Variants in SRCAP observed in about 807,000 individuals in gnomAD.
SRCAP encodes the protein Snf2 related CREBBP activator protein.
In SRCAP, 46 loss-of-function variants were observed where a neutral mutation model predicts 263.1. The observed-to-expected ratio is 0.17, with a 90% CI of 0.14 to 0.22. SRCAP has a LOEUF of 0.22. Ranked by LOEUF, SRCAP falls within the 10% of genes least tolerant of loss-of-function variation. The pLI is 1.00. For missense variants in SRCAP, 3,695 were observed against 4,181.9 expected (o/e 0.88, Z 3.21); for synonymous variants, 1,813 against 1,662.1 (o/e 1.09, Z -2.21).
chr16:30,732,733 A>T (rs573494287), intron 27 of SRCAP, among the ~76,000 whole-genome samples: 2 of 152,306 alleles, frequency 1.3e-5, no homozygotes, highest in African/African-American at 2.4e-5. Flanking sequence ...CCTCGATGTT[A>T]TGTATTCCCC....
chr16:30,720,253 C>G lies in SRCAP; in HGVS notation c.2909C>G (p.Ser970Cys). ...ACATTTCTGCCCCGGCACCGCCTCT[C>G]TCGCCGGGTACTGTTAGAAGTGGCT... ...ADTFLPRHRL[S>C]RRVLLEVATA... Residue 970 changes from serine to cysteine, a missense_variant, in exon 19 of 34, where the codon TCT becomes TGT. Physicochemically the swap from Ser to Cys is moderately radical, Grantham distance 112. Transcript: ENST00000262518. The G allele has an allele frequency of 6.2e-7, 1 of 1,614,252 alleles. No homozygotes were observed. Among genetic ancestry groups the G allele is most frequent in the African/African-American group, 1.3e-5 (1 of 75,076 alleles).
At chr16:30,700,245 T>C (rs1530203) in intron 2 of SRCAP, among the ~76,000 whole-genome samples, 6,695 of 152,264 alleles carry the variant, frequency 0.044, 449 homozygotes, top group African/African-American at 0.15. Flanking sequence ...AGCCCTCCTA[T>C]CACTTTTTTA....
intron 27 of SRCAP, among the ~76,000 whole-genome samples, chr16:30,730,110 C>T (rs2053099448): frequency 6.6e-6 from 1 of 152,158 alleles, no homozygotes; most frequent in Non-Finnish European, 1.5e-5. Context: ...CTGCTAACTC[C>T]TTCATTCAGT....
In SRCAP at chr16:30,699,188, G is replaced by T; in HGVS notation, c.-338G>T. 1 of 398,778 alleles carries T rather than the reference G, an allele frequency of 2.5e-6. No individual in the cohort carries two copies. Among genetic ancestry groups the T allele is most frequent in the African/African-American group, 2.1e-5 (1 of 48,748 alleles). The allele number at this position is 398,778 out of a possible 1,614,324, so 24.7% of individuals were successfully genotyped here. A position where few individuals can be genotyped will look rare whatever the true frequency, so the allele number is the denominator to read the frequency against. On this transcript the variant is annotated 5_prime_UTR_variant, in exon 1 of 34. Coordinates refer to ENST00000262518, the MANE Select transcript of SRCAP (RefSeq NM_006662.3). The stretch of plus-strand genomic sequence containing the variant: ...CACGCGAGGTCAGTCCGTCGGGAGG[G>T]CTAGGGAGATGGTCACGAAACCTGA...
chr16:30,712,072 C>T lies in SRCAP; in HGVS notation c.1730C>T (p.Thr577Ile). Reference sequence around the variant, plus strand: ...GGGCCTCCTACTCCAGGGCCCACTACTCTAGGTCCAAAGAAAGAAATTACT... The same window carrying T: ...GGGCCTCCTACTCCAGGGCCCACTATTCTAGGTCCAAAGAAAGAAATTACT... The part of the protein sequence containing the change: ...GSGPPTPGPT[T>I]LGPKKEITDI... Residue 577 changes from threonine (T) to isoleucine (I), a missense_variant, in exon 12 of 34, where the codon ACT becomes ATT. Thr to Ile is a moderately conservative substitution (Grantham distance 89, BLOSUM62 -1). Coordinates refer to ENST00000262518, the MANE Select transcript of SRCAP (RefSeq NM_006662.3). 13 of 1,614,104 alleles carry T rather than the reference C, an allele frequency of 8.1e-6. No individual in the cohort carries two copies. The highest frequency in any genetic ancestry group is 1.1e-5 in the Non-Finnish European group (13 of 1,180,024).
At chr16:30,722,455 C>CTA in intron 22 of SRCAP, 108 bp from the exon 23 acceptor site, 1 of 1,498,290 alleles carries the variant, frequency 6.7e-7, no homozygotes, top group South Asian at 1.3e-5. Flanking sequence ...AGAGGTCATT[C>CTA]TAGAGAATGT....
At chr16:30,729,622 T>C (rs1309784694) in intron 27 of SRCAP, 50 bp downstream of exon 27, 1 of 1,596,720 alleles carries the variant, frequency 6.3e-7, no homozygotes. Flanking sequence ...CTTTTCTTAG[T>C]ATTAAGACTG....
At position 30,734,027 on chromosome 16, in the gene SRCAP, T is replaced by C; in HGVS notation, c.6609+19T>C. 1 of 1,579,138 alleles carries C rather than the reference T, an allele frequency of 6.3e-7. No homozygotes were observed. Among genetic ancestry groups the C allele is most frequent in the Admixed American group, 1.8e-5 (1 of 54,696 alleles). ...CAAACAGGTACTAAGTAAGATCTTT[T>C]AGCCTATGCAGGAGAAAACTGCTGC... is the stretch of plus-strand genomic sequence containing the variant. On this transcript the variant is annotated intron_variant, in intron 30 of 33. Coordinates refer to ENST00000262518, the MANE Select transcript of SRCAP (RefSeq NM_006662.3).
At position 30,734,556 on chromosome 16, in the gene SRCAP, T is replaced by C; in HGVS notation, c.6670T>C (p.Ser2224Pro). The C allele has an allele frequency of 6.2e-7, 1 of 1,613,954 alleles. No individual in the cohort carries two copies. The highest frequency in any genetic ancestry group is 2.2e-5 in the East Asian group (1 of 44,862). Residue 2224 changes from serine to proline, a missense_variant, in exon 31 of 34, where the codon TCT (serine) becomes CCT (proline). By Grantham distance (74) the Ser-to-Pro change is moderately conservative. Around this residue, in one of 12 missense-constraint regions of SRCAP, gnomAD observed 53 missense variants for 45.6 expected, o/e 1.16. Transcript: ENST00000262518. Reference sequence around the variant, plus strand: ...GGAACCTTCTAGCTCATCCGTGCCCTCTGCCCCTGAAGAGGAGGAAGAGAC... The same window carrying C: ...GGAACCTTCTAGCTCATCCGTGCCCCCTGCCCCTGAAGAGGAGGAAGAGAC... ...LEEPSSSSVP[S>P]APEEEEETVA...
At chr16:30,707,759 G>A in intron 6 of SRCAP, 47 bp downstream of exon 6, 1 of 1,606,354 alleles carries the variant, frequency 6.2e-7, no homozygotes, top group South Asian at 1.1e-5. Flanking sequence ...GATTAGATTG[G>A]TAGATGGCGT....
intron 20 of SRCAP, 72 bp from the exon 21 acceptor site, chr16:30,721,117 A>G (rs1272198755): frequency 1.3e-6 from 2 of 1,544,674 alleles, no homozygotes; most frequent in Non-Finnish European, 8.7e-7. Context: ...GGAAGGGAGT[A>G]TGGAGGCTTC....
At chr16:30,711,153 A>G in intron 10 of SRCAP, 65 bp downstream of exon 10, 9 of 1,303,872 alleles carry the variant, frequency 6.9e-6, no homozygotes, top group Admixed American at 1.9e-5. Flanking sequence ...TACCAAGGAT[A>G]AAGAGATGAA....
chr16:30,725,201 C>G (rs1031911829), intron 25 of SRCAP, 119 bp downstream of exon 25: 23 of 1,472,312 alleles, frequency 1.6e-5, no homozygotes, highest in Non-Finnish European at 2.0e-5. Flanking sequence ...ATGTTATGGA[C>G]CAAGTACTTG....
intron 9 of SRCAP, 34 bp from the exon 10 acceptor site, chr16:30,710,965 A>T (rs199503738): frequency 6.2e-7 from 1 of 1,602,882 alleles, no homozygotes; most frequent in South Asian, 1.1e-5. Flanking sequence ...TCTAGCCTCT[A>T]TCCCTATTAA....
Position 30,712,822 on chromosome 16 carries a change from TG to T in SRCAP, c.2130+8del. ...GAGGAAGCTCAAGCGGCAGGTTCGA[TG>T]TTTCATGTGGTCACTTTCCTCCCAT... is the stretch of plus-strand genomic sequence containing the variant. On this transcript the variant is annotated splice_region_variant and intron_variant, in intron 14 of 33. Coordinates refer to ENST00000262518, the MANE Select transcript of SRCAP (RefSeq NM_006662.3). The T allele has an allele frequency of 6.2e-7, 1 of 1,614,160 alleles. No individual in the cohort carries two copies. Among genetic ancestry groups the T allele is most frequent in the Non-Finnish European group, 8.5e-7 (1 of 1,180,004 alleles).
intron 18 of SRCAP, among the ~76,000 whole-genome samples, 179 bp downstream of exon 18, chr16:30,716,658 C>T (rs751542155): frequency 3.3e-5 from 5 of 152,116 alleles, no homozygotes; most frequent in Non-Finnish European, 7.4e-5. Context: ...ATTTTTTTGA[C>T]TTCACTGTGA....
At chr16:30,734,660 A>T in intron 31 of SRCAP, 45 bp downstream of exon 31, 1 of 1,612,666 alleles carries the variant, frequency 6.2e-7, no homozygotes, top group East Asian at 2.2e-5. Flanking sequence ...TGATTCTTAC[A>T]GAATATCTTG....
intron 3 of SRCAP, among the ~76,000 whole-genome samples, chr16:30,703,606 T>TA (rs762243834): frequency 2.0e-5 from 3 of 151,960 alleles, no homozygotes; most frequent in Non-Finnish European, 2.9e-5. Context: ...TATTAAAACT[T>TA]TATCCCAAGG....
rs2053048699 is a variant in SRCAP at position 30,724,886 on chromosome 16, C to T, written c.5462C>T (p.Ser1821Phe). Residue 1821 changes from serine to phenylalanine, a missense_variant, in exon 25 of 34, where the codon TCT becomes TTT. Physicochemically the swap from Ser to Phe is radical, Grantham distance 155. This residue lies in a region of SRCAP where 1,347 missense variants were observed against 1,304.4 expected (regional missense o/e 1.03). Coordinates refer to ENST00000262518, the MANE Select transcript of SRCAP (RefSeq NM_006662.3). ...ASTQSPASQA[S>F]SLVVSASGAA... Reference sequence around the variant, plus strand: ...ACACAGTCCCCAGCTTCCCAGGCATCTTCCCTTGTGGTTTCGGCATCTGGT... The same window carrying T: ...ACACAGTCCCCAGCTTCCCAGGCATTTTCCCTTGTGGTTTCGGCATCTGGT... 2 of 1,614,242 alleles carry T rather than the reference C, an allele frequency of 1.2e-6. No individual in the cohort carries two copies. The highest frequency in any genetic ancestry group is 2.2e-5 in the East Asian group (1 of 44,874).
Sources: allele counts gnomAD v4.1 joint callset (sites outside exome capture counted in the v4.1 genomes callset), GRCh38; gene constraint gnomAD v4.1.1; regional missense constraint gnomAD v4.1.1; transcripts MANE v1.5; gene names NCBI Gene and HGNC (gene_info 2026-07-23, HGNC 2026-07-21).